ZNF728: variants seen among roughly 807,000 people sequenced by gnomAD.
ZNF728 encodes zinc finger protein 728.
ZNF728 carries 12 observed loss-of-function variants against 12.5 expected under a neutral mutation model. That is an observed-to-expected ratio of 0.96 (90% CI 0.61 to 1.55). The LOEUF (loss-of-function observed/expected upper bound fraction) is 1.55. ZNF728 is among the 40% of genes most tolerant of loss of function. The pLI is 0.00. For missense variants in ZNF728, 692 were observed against 719.2 expected, an observed-to-expected ratio of 0.96 and a Z score of 0.43; for synonymous variants, 205 against 240.7, an observed-to-expected ratio of 0.85 and a Z score of 1.37.
chr19:22,980,818 G>A (rs1968853783), intron 3 of ZNF728, among the ~76,000 whole-genome samples: 1 of 152,126 alleles, frequency 6.6e-6, no homozygotes, highest in Non-Finnish European at 1.5e-5. Context: ...AAAGTTCTTT[G>A]AAACCAATGA....
intron 1 of ZNF728, among the ~76,000 whole-genome samples, chr19:22,988,742 A>G (rs10411715): frequency 0.029 from 4,448 of 152,262 alleles, 229 homozygotes; most frequent in African/African-American, 0.1. Flanking sequence ...TTTGAGTGCT[A>G]TATTTACATC....
chr19:22,978,543 A>C (rs2145333449), intron 3 of ZNF728, among the ~76,000 whole-genome samples: 2 of 152,314 alleles, frequency 1.3e-5, no homozygotes, highest in East Asian at 3.9e-4. Flanking sequence ...TGGGTCCCTG[A>C]CACCCATGTC....
chr19:22,988,130 A>G (rs1349100698), intron 2 of ZNF728, among the ~76,000 whole-genome samples, 195 bp downstream of exon 2: 1 of 152,002 alleles, frequency 6.6e-6, no homozygotes, highest in Non-Finnish European at 1.5e-5. Flanking sequence ...CCTTTACTCA[A>G]TAAATATGAA....
At chr19:22,991,911 A>C (rs1465659240) in intron 1 of ZNF728, among the ~76,000 whole-genome samples, 1 of 152,216 alleles carries the variant, frequency 6.6e-6, no homozygotes. Context: ...GTATAATTTT[A>C]ATCTTTTTTA....
intron 3 of ZNF728, among the ~76,000 whole-genome samples, chr19:22,984,557 CAAAAAAAAAA>C (rs398040954): frequency 3.9e-5 from 3 of 77,038 alleles, no homozygotes; most frequent in African/African-American, 1.3e-4. Context: ...GACTCCATCT[CAAAAAAAAAA>C]AAAAAAAAAT....
intron 3 of ZNF728, among the ~76,000 whole-genome samples, chr19:22,984,299 C>T (rs1377766637): frequency 2.0e-5 from 3 of 151,858 alleles, no homozygotes; most frequent in African/African-American, 7.3e-5. Context: ...TGGCTCACGC[C>T]TGTAATCCCA....
chr19:23,000,603 C>A (rs1205621768), intron 1 of ZNF728, among the ~76,000 whole-genome samples: 2 of 152,068 alleles, frequency 1.3e-5, no homozygotes, highest in Middle Eastern at 3.2e-3. Context: ...GTGGCTCACA[C>A]CTGCAATCCC....
intron 1 of ZNF728, among the ~76,000 whole-genome samples, chr19:23,000,445 G>A (rs1174610201): frequency 6.7e-6 from 1 of 149,754 alleles, no homozygotes; most frequent in Non-Finnish European, 1.5e-5. Flanking sequence ...GAAAGAAAAA[G>A]GTGAATGAGA....
intron 3 of ZNF728, among the ~76,000 whole-genome samples, chr19:22,978,476 A>G (rs1177032997): frequency 6.6e-6 from 1 of 152,232 alleles, no homozygotes; most frequent in Non-Finnish European, 1.5e-5. Context: ...ATAACGTAAC[A>G]TAAAAAAACA....
chr19:22,991,816 T>C (rs1375388820), intron 1 of ZNF728, among the ~76,000 whole-genome samples: 1 of 152,200 alleles, frequency 6.6e-6, no homozygotes, highest in Non-Finnish European at 1.5e-5. Flanking sequence ...GTACAGCCAA[T>C]GTACAATTCT....
At chr19:22,991,958 G>A (rs2145347661) in intron 1 of ZNF728, among the ~76,000 whole-genome samples, 1 of 152,144 alleles carries the variant, frequency 6.6e-6, no homozygotes, top group East Asian at 1.9e-4. Context: ...ATGCTAATAA[G>A]CAATTTTAAA....
intron 1 of ZNF728, among the ~76,000 whole-genome samples, chr19:22,999,438 G>A (rs958014347): frequency 2.6e-5 from 4 of 152,220 alleles, no homozygotes; most frequent in African/African-American, 7.2e-5. Flanking sequence ...TCACTATAGA[G>A]GCTTCTTCCA....
chr19:22,975,791 C>A lies in ZNF728; in HGVS notation c.1546G>T (p.Ala516Ser). ...KPYKCEECGK[A>S]FSKVANLTKH... ...GTAAGGTTTGCAACCTTACTGAAGG[C>A]TTTGCCACATTCTTCACATTTGTAG... The change falls in exon 4 of 4, where the codon GCC becomes TCC. Residue 516 changes from alanine to serine, a missense_variant. Ala to Ser is a moderately conservative substitution (Grantham distance 99). Transcript: ENST00000594710. 6.2e-7 allele frequency: 1 copy of A among 1,612,268 alleles called. No individual in the cohort carries two copies. The highest frequency in any genetic ancestry group is 2.2e-5 in the East Asian group (1 of 44,774).
chr19:22,976,126 G>A lies in ZNF728; in HGVS notation c.1211C>T (p.Thr404Ile), dbSNP rs774215201. ...KPYKCEECGK[T>I]FKWSSTLTKH... ...AGTAAGTGTTGAGGACCACTTAAAG[G>A]TTTTGCCACATTCTTCACATTTGTA... Residue 404 changes from threonine to isoleucine, a missense_variant, in exon 4 of 4, where the codon ACC becomes ATC. Physicochemically the swap from Thr to Ile is moderately conservative, Grantham distance 89. This residue lies in a region of ZNF728 where 8 missense variants were observed against 24.4 expected (regional missense o/e 0.33). Coordinates refer to ENST00000594710, the MANE Select transcript of ZNF728 (RefSeq NM_001267716.2). 8 of 1,612,492 alleles carry A rather than the reference G, an allele frequency of 5.0e-6. No homozygotes were observed. The Admixed American group carries it at 1.2e-4, about 24-fold the overall frequency.
chr19:22,994,132 G>C (rs1412718139), intron 1 of ZNF728, among the ~76,000 whole-genome samples: 1 of 152,200 alleles, frequency 6.6e-6, no homozygotes, highest in African/African-American at 2.4e-5. Flanking sequence ...AAGAGTCACT[G>C]AAAGAGGTAA....
Position 23,001,317 on chromosome 19 carries a change from T to C in ZNF728, c.3+1711A>G, listed in dbSNP as rs144707823. 5.3e-4 allele frequency among the ~76,000 whole-genome samples: 80 copies of C among 152,318 alleles called. 1 individual carries two copies. The East Asian group carries it at 0.015, about 29-fold the overall frequency. ...CTGGGTTGGGTAAAGACAATATTAATATCTCAAGGGAGTAGCTTTCCAAAA... is the reference window on the plus strand; with the variant it reads ...CTGGGTTGGGTAAAGACAATATTAACATCTCAAGGGAGTAGCTTTCCAAAA... On this transcript the variant is annotated intron_variant, in intron 1 of 3. Coordinates refer to ENST00000594710, the MANE Select transcript of ZNF728 (RefSeq NM_001267716.2).
At chr19:23,001,139 T>C (rs291769) in intron 1 of ZNF728, among the ~76,000 whole-genome samples, 46,522 of 152,036 alleles carry the variant, frequency 0.31, 9,240 homozygotes, top group African/African-American at 0.57. Context: ...TTTTTGTCTT[T>C]GGAGTGCTAT....
intron 1 of ZNF728, among the ~76,000 whole-genome samples, chr19:23,000,890 A>AAAACC (rs1969105795): frequency 6.1e-5 from 5 of 81,466 alleles, no homozygotes; most frequent in African/African-American, 4.2e-4. Flanking sequence ...AAAAAACCAA[A>AAAACC]AAAAAAAAAA....
chr19:22,983,980 T>C (rs549357687), intron 3 of ZNF728, among the ~76,000 whole-genome samples: 1 of 152,174 alleles, frequency 6.6e-6, no homozygotes, highest in Non-Finnish European at 1.5e-5. Flanking sequence ...GTTCTGCACA[T>C]GTGCCCCAGA....
Sources: gnomAD v4.1 joint callset for allele counts (sites outside exome capture counted in the v4.1 genomes callset) on GRCh38, gnomAD v4.1.1 for gene constraint, gnomAD v4.1.1 regional missense constraint, MANE v1.5 for transcripts, NCBI Gene and HGNC (gene_info 2026-07-23, HGNC 2026-07-21) for gene names.